AK9: variants seen among roughly 807,000 people sequenced by gnomAD.
AK9 encodes adenylate kinase domain containing 1.
AK9 carries 191 observed loss-of-function variants against 239.6 expected under a neutral mutation model. That is an observed-to-expected ratio of 0.80 (90% CI 0.71 to 0.90). The LOEUF is 0.90. Ranked by LOEUF, AK9 falls within the 40% of genes least tolerant of loss-of-function variation. The pLI, the probability that AK9 is intolerant of heterozygous loss-of-function variation, is 0.00. For missense variants in AK9, 1,995 were observed against 2,214.7 expected, an observed-to-expected ratio of 0.90 and a Z score of 1.99; for synonymous variants, 689 against 721.0, an observed-to-expected ratio of 0.96 and a Z score of 0.71.
Position 109,563,602 on chromosome 6 carries a change from C to T in AK9, c.2746G>A (p.Glu916Lys), listed in dbSNP as rs772783625. 1.9e-6 allele frequency: 3 copies of T among 1,550,550 alleles called. No individual in the cohort carries two copies. The South Asian group carries it at 3.6e-5, about 18-fold the overall frequency. Residue 916 changes from glutamate to lysine, a missense_variant, in exon 24 of 41, where the codon GAA becomes AAA. By Grantham distance (56) the Glu-to-Lys change is moderately conservative. Around this residue, in one of 5 missense-constraint regions of AK9, gnomAD observed 1,290 missense variants for 1,392.7 expected, o/e 0.93. Coordinates refer to ENST00000424296, the MANE Select transcript of AK9 (RefSeq NM_001145128.3). ...TAGAAATAAAAGAATCATGCCTCTTCCTCTTCCTCTTCCTCTAGCTCCTCA... is the reference window on the plus strand; with the variant it reads ...TAGAAATAAAAGAATCATGCCTCTTTCTCTTCCTCTTCCTCTAGCTCCTCA... ...VDEELEEEEE[E>K]EGEDKMKERK...
intron 26 of AK9, among the ~76,000 whole-genome samples, chr6:109,545,424 T>C (rs1030957997): frequency 6.6e-6 from 1 of 152,194 alleles, no homozygotes; most frequent in Non-Finnish European, 1.5e-5. Flanking sequence ...TGGGAAGTAA[T>C]TGAATCATGG....
intron 5 of AK9, among the ~76,000 whole-genome samples, chr6:109,670,922 T>G (rs964567958): frequency 2.0e-5 from 3 of 152,046 alleles, no homozygotes; most frequent in Non-Finnish European, 4.4e-5. Context: ...CCTTATCTAC[T>G]TATAATGTAT....
At position 109,564,367 on chromosome 6, in the gene AK9, ATTTT is replaced by A; in HGVS notation, c.2435-91_2435-88del. On this transcript the variant is annotated intron_variant, in intron 22 of 40. Transcript: ENST00000424296. ...TTGCCAAAATAGCTTATACTTTGCA[ATTTT>A]TTTAAACAGTTAAAAAAATAATATT... 5 of 1,010,114 alleles carry A rather than the reference ATTTT, an allele frequency of 4.9e-6. 1 individual carries two copies. Among genetic ancestry groups the A allele is most frequent in the Non-Finnish European group, 7.0e-6 (5 of 714,658 alleles). The allele number at this position is 1,010,114 out of a possible 1,614,324, so 62.6% of individuals were successfully genotyped here.
intron 24 of AK9, among the ~76,000 whole-genome samples, chr6:109,553,826 T>C (rs1008977441): frequency 3.3e-5 from 5 of 152,238 alleles, no homozygotes; most frequent in African/African-American, 4.8e-5. Context: ...CAATATGATA[T>C]TCGCTGTGGC....
chr6:109,667,076 G>A (rs1052006377), intron 5 of AK9, among the ~76,000 whole-genome samples: 7 of 152,136 alleles, frequency 4.6e-5, no homozygotes, highest in African/African-American at 1.7e-4. Flanking sequence ...TTGGCTAAGG[G>A]CCAAAACAAC....
intron 20 of AK9, among the ~76,000 whole-genome samples, chr6:109,577,826 T>C (rs1156529464): frequency 1.3e-5 from 2 of 151,902 alleles, no homozygotes; most frequent in African/African-American, 4.8e-5. Context: ...TTGGCTGTAA[T>C]ATCTCCTTCC....
At chr6:109,598,794 T>C (rs148348461) in intron 17 of AK9, among the ~76,000 whole-genome samples, 1 of 152,206 alleles carries the variant, frequency 6.6e-6, no homozygotes, top group Non-Finnish European at 1.5e-5. Flanking sequence ...TATCTCATTG[T>C]GGTTTTGATT....
chr6:109,650,655 T>C (rs1473793649), intron 8 of AK9, among the ~76,000 whole-genome samples: 7 of 152,228 alleles, frequency 4.6e-5, no homozygotes, highest in African/African-American at 1.7e-4. Flanking sequence ...AGTTCAACCA[T>C]TGTGAAAGTC....
intron 19 of AK9, among the ~76,000 whole-genome samples, chr6:109,583,953 C>G (rs2128210400): frequency 6.6e-6 from 1 of 152,106 alleles, no homozygotes; most frequent in South Asian, 2.1e-4. Flanking sequence ...CAGATTATAG[C>G]TGATCTGTAG....
At chr6:109,590,450 TTC>T (rs1166818524) in intron 17 of AK9, among the ~76,000 whole-genome samples, 1 of 151,922 alleles carries the variant, frequency 6.6e-6, no homozygotes, top group Non-Finnish European at 1.5e-5. Context: ...TATTTGAATG[TTC>T]TCTTTTTCAC....
chr6:109,674,903 G>A lies in AK9; in HGVS notation c.118-642C>T, dbSNP rs28559694. ...AGCTCTTAATCTCTGCTATTCTGGA[G>A]AGGCTCTTTAATCAACCAGCTCAGT... On this transcript the variant is annotated intron_variant, in intron 2 of 40. Transcript: ENST00000424296. Among the ~76,000 whole-genome samples, 390 of 152,352 alleles carry A rather than the reference G, an allele frequency of 2.6e-3. 2 individuals carry two copies. The highest frequency in any genetic ancestry group is 9.0e-3 in the African/African-American group (375 of 41,592).
rs1487699964 is a variant in AK9 at position 109,570,278 on chromosome 6, CGTGGGGTGGGGGAAGGG to C, written c.2344+3147_2344+3163del. ...GGGAGCATCACACACTGGAGCCTGTCGTGGGGTGGGGGAAGGGGGGAGGGATAGCATTAGGAGGTATA... is the reference window on the plus strand; with the variant it reads ...GGGAGCATCACACACTGGAGCCTGTCGGGAGGGATAGCATTAGGAGGTATA... On this transcript the variant is annotated intron_variant, in intron 21 of 40. Transcript: ENST00000424296. 6.8e-5 allele frequency among the ~76,000 whole-genome samples: 10 copies of C among 147,330 alleles called. No individual in the cohort carries two copies. In the East Asian group the frequency reaches 2.1e-3, roughly 30 times the overall value.
At chr6:109,585,020 A>G (rs1789313924) in intron 19 of AK9, 103 bp downstream of exon 19, 4 of 779,502 alleles carry the variant, frequency 5.1e-6, no homozygotes, top group African/African-American at 3.7e-5. Flanking sequence ...ATAATAAATT[A>G]TCATTTCAAT....
intron 28 of AK9, among the ~76,000 whole-genome samples, chr6:109,531,723 T>TAA (rs1781290542): frequency 6.6e-6 from 1 of 152,170 alleles, no homozygotes; most frequent in Admixed American, 6.5e-5. Context: ...GAATGTGCTT[T>TAA]GGTAGGCTCT....
At chr6:109,652,500 C>G (rs961163571) in intron 8 of AK9, among the ~76,000 whole-genome samples, 1 of 152,068 alleles carries the variant, frequency 6.6e-6, no homozygotes, top group Admixed American at 6.6e-5. Context: ...CTAAACTTCC[C>G]CTACACTTTT....
In AK9 at chr6:109,514,351, T is replaced by TA. The variant is rs1348911083; in HGVS notation, c.4151dup (p.Leu1384PhefsTer3). 1.9e-6 allele frequency: 3 copies of TA among 1,551,006 alleles called. No individual in the cohort carries two copies. The highest frequency in any genetic ancestry group is 2.6e-6 in the Non-Finnish European group (3 of 1,146,660). ...ATTTTTCTTTTGTTTCTTTACTAGA[T>TA]AAAAAATAAATATACTGACGATGGA... On this transcript the variant is annotated frameshift_variant, in exon 32 of 41. Coordinates refer to ENST00000424296, the MANE Select transcript of AK9 (RefSeq NM_001145128.3). LOFTEE classifies it high-confidence loss of function.
At chr6:109,654,954 C>T (rs529685822) in intron 8 of AK9, among the ~76,000 whole-genome samples, 2 of 152,168 alleles carry the variant, frequency 1.3e-5, no homozygotes, top group Non-Finnish European at 2.9e-5. Context: ...TAGGGTCTTA[C>T]CCTTTATGGG....
At chr6:109,623,979 C>T (rs944083581) in intron 12 of AK9, among the ~76,000 whole-genome samples, 1 of 150,850 alleles carries the variant, frequency 6.6e-6, no homozygotes, top group African/African-American at 2.4e-5. Flanking sequence ...ATGCATTATT[C>T]ATGTTATTAT....
At chr6:109,523,657 T>G (rs1780112448) in intron 29 of AK9, among the ~76,000 whole-genome samples, 1 of 152,110 alleles carries the variant, frequency 6.6e-6, no homozygotes, top group Admixed American at 6.6e-5. Flanking sequence ...ACTGACTTTC[T>G]GGATGGAGCA....
Sources: gnomAD v4.1 joint callset for allele counts (sites outside exome capture counted in the v4.1 genomes callset) on GRCh38, gnomAD v4.1.1 for gene constraint, gnomAD v4.1.1 regional missense constraint, MANE v1.5 for transcripts, NCBI Gene and HGNC (gene_info 2026-07-23, HGNC 2026-07-21) for gene names.